Variants in RNMT observed in about 807,000 individuals in gnomAD.
RNMT encodes the protein RNA guanine-7 methyltransferase.
RNMT carries 27 observed loss-of-function variants against 56.0 expected under a neutral mutation model. The observed-to-expected ratio is 0.48, with a 90% CI of 0.36 to 0.67. RNMT has a LOEUF of 0.67. Among genes scored for constraint, RNMT ranks in the 30% least tolerant of loss-of-function variants. The pLI, the probability that RNMT is intolerant of heterozygous loss-of-function variation, is 0.00. For synonymous variants in RNMT, 184 were observed against 176.2 expected (o/e 1.04, Z -0.35); for missense variants, 519 against 552.1 (o/e 0.94, Z 0.60).
intron 3 of RNMT, among the ~76,000 whole-genome samples, chr18:13,734,231 C>A (rs543969738): frequency 1.3e-5 from 2 of 152,204 alleles, no homozygotes; most frequent in Non-Finnish European, 2.9e-5. Context: ...TTATAAATTA[C>A]CCAGTCTCCG....
Position 13,760,858 on chromosome 18 carries a change from C to A in RNMT, c.*879C>A. On this transcript the variant is annotated 3_prime_UTR_variant, in exon 12 of 12. Transcript: ENST00000383314. ...GTACCCACTTCAGAAATAAGCAATA[C>A]TTGTTCCTCTGTTACAACCTCAGCA... The A allele has an allele frequency of 1.0e-6, 1 of 985,398 alleles. No homozygotes were observed. Among genetic ancestry groups the A allele is most frequent in the Non-Finnish European group, 1.2e-6 (1 of 829,890 alleles). The allele number at this position is 985,398 out of a possible 1,614,324, so 61.0% of individuals were successfully genotyped here.
In RNMT at chr18:13,763,339, T is replaced by G. The variant is rs1455837449; in HGVS notation, c.*3360T>G. On this transcript the variant is annotated 3_prime_UTR_variant, in exon 12 of 12. Coordinates refer to ENST00000383314, the MANE Select transcript of RNMT (RefSeq NM_003799.3). The stretch of plus-strand genomic sequence containing the variant: ...GGCACTGTCAGTTCTTCCCTCCCTC[T>G]CGTGCTGCTCAGTTTGTCCTCTGCT... 25 of 341,068 alleles carry G rather than the reference T, an allele frequency of 7.3e-5. No homozygotes were observed. Among genetic ancestry groups the G allele is most frequent in the Non-Finnish European group, 1.4e-4 (24 of 170,132 alleles). 21.1% of individuals were successfully genotyped at this position (341,068 alleles called of 1,614,324 possible).
rs1177542379 is a variant in RNMT at position 13,760,574 on chromosome 18, CTGGTTAGA to C, written c.*596_*603del. The C allele has an allele frequency of 1.0e-6, 1 of 985,522 alleles. No homozygotes were observed. The highest frequency in any genetic ancestry group is 1.7e-5 in the African/African-American group (1 of 57,212). The allele number at this position is 985,522 out of a possible 1,614,324, so 61.0% of individuals were successfully genotyped here. On this transcript the variant is annotated 3_prime_UTR_variant, in exon 12 of 12. Transcript: ENST00000383314. ...TCATTAACATGCTGCAATTCAGGAG[CTGGTTAGA>C]ACATTTTAAGTGGCAGCATAGAATT... is the stretch of plus-strand genomic sequence containing the variant.
rs1276307138 is a variant in RNMT at position 13,752,310 on chromosome 18, T to C, written c.1258-16T>C. On this transcript the variant is annotated splice_polypyrimidine_tract_variant and intron_variant, in intron 9 of 11. Transcript: ENST00000383314. ...ATTTCCGTTATTGTAACTAGGACTT[T>C]CATTTCTTTCCCCAGCCATATCCTG... is the stretch of plus-strand genomic sequence containing the variant. 3.8e-5 allele frequency: 59 copies of C among 1,536,606 alleles called. No homozygotes were observed. Among genetic ancestry groups the C allele is most frequent in the Non-Finnish European group, 5.3e-5 (59 of 1,111,756 alleles).
chr18:13,758,176 GC>G (rs1307975544), intron 11 of RNMT, among the ~76,000 whole-genome samples: 1 of 152,126 alleles, frequency 6.6e-6, no homozygotes, highest in Non-Finnish European at 1.5e-5. Context: ...ATTCTTAAGG[GC>G]CTCGGGATTT....
intron 9 of RNMT, among the ~76,000 whole-genome samples, chr18:13,748,321 T>A (rs182417063): frequency 6.6e-6 from 1 of 152,324 alleles, no homozygotes; most frequent in Non-Finnish European, 1.5e-5. Context: ...GCATGTAGTT[T>A]GAAAAATCCT....
rs2044627531 is a variant in RNMT, at chr18:13,762,069, G to C, written c.*2090G>C. On this transcript the variant is annotated 3_prime_UTR_variant, in exon 12 of 12. Transcript: ENST00000383314. ...ACGGTAACTATTATGAGGGAGGCAT[G>C]GCTTTCCACCGTCGGGCCAGGAAGA... 1 of 1,535,946 alleles carries C rather than the reference G, an allele frequency of 6.5e-7. No homozygotes were observed. The highest frequency in any genetic ancestry group is 1.4e-5 in the African/African-American group (1 of 73,030).
chr18:13,738,570 T>C (rs1378539186), intron 5 of RNMT, among the ~76,000 whole-genome samples: 1 of 152,228 alleles, frequency 6.6e-6, no homozygotes, highest in Non-Finnish European at 1.5e-5. Context: ...TTATACCGTG[T>C]AACATTAAAA....
At chr18:13,728,636 C>T (rs1457243154) in intron 1 of RNMT, among the ~76,000 whole-genome samples, 1 of 151,990 alleles carries the variant, frequency 6.6e-6, no homozygotes, top group African/African-American at 2.4e-5. Flanking sequence ...GTGACGGCCT[C>T]AGCATCCATT....
chr18:13,760,062 CTG>C lies in RNMT; in HGVS notation c.*85_*86del, dbSNP rs2044600966. The C allele has an allele frequency of 7.8e-6, 12 of 1,543,810 alleles. No individual in the cohort carries two copies. In the South Asian group the frequency reaches 1.1e-4, roughly 15 times the overall value. ...TCATCTCGATATATTTGATATTTCTCTGTCTGTTGATTTTAATTCTAAATGTG... is the reference window on the plus strand; with the variant it reads ...TCATCTCGATATATTTGATATTTCTCTCTGTTGATTTTAATTCTAAATGTG... On this transcript the variant is annotated 3_prime_UTR_variant, in exon 12 of 12. Transcript: ENST00000383314.
intron 9 of RNMT, among the ~76,000 whole-genome samples, chr18:13,748,258 C>T (rs1372680245): frequency 6.6e-6 from 1 of 152,174 alleles, no homozygotes; most frequent in Non-Finnish European, 1.5e-5. Flanking sequence ...CCCAGTACTG[C>T]ACTTGGGGAT....
rs1290026481 is a variant in RNMT at position 13,746,350 on chromosome 18, A to C, written c.1257+13A>C. On this transcript the variant is annotated intron_variant, in intron 9 of 11. Transcript: ENST00000383314. ...GCAGGCCTTGGAGGTGAGTATTTAG[A>C]AAAGATGTACAAATTTCAGTCATGG... The C allele has an allele frequency of 7.2e-7, 1 of 1,384,866 alleles. No homozygotes were observed. Among genetic ancestry groups the C allele is most frequent in the South Asian group, 1.2e-5 (1 of 82,816 alleles). 85.8% of individuals were successfully genotyped at this position (1,384,866 alleles called of 1,614,324 possible).
At chr18:13,727,840 C>G (rs955669649) in intron 1 of RNMT, among the ~76,000 whole-genome samples, 1 of 152,198 alleles carries the variant, frequency 6.6e-6, no homozygotes, top group African/African-American at 2.4e-5. Flanking sequence ...TGAGTAACAA[C>G]ATGATATTGT....
chr18:13,760,260 TAATATGACTTGATAAAGC>T lies in RNMT; in HGVS notation c.*284_*301del. The T allele has an allele frequency of 8.9e-7, 1 of 1,126,318 alleles. No homozygotes were observed. The highest frequency in any genetic ancestry group is 3.9e-4 in the Middle Eastern group (1 of 2,576). 69.8% of individuals were successfully genotyped at this position (1,126,318 alleles called of 1,614,324 possible). On this transcript the variant is annotated 3_prime_UTR_variant, in exon 12 of 12. Transcript: ENST00000383314. ...TCTATGATCTTAGCTCATAAAAATATAATATGACTTGATAAAGCAACTAAACTCTTTCCACAGTGTTCA... is the reference window on the plus strand; with the variant it reads ...TCTATGATCTTAGCTCATAAAAATATAACTAAACTCTTTCCACAGTGTTCA...
intron 3 of RNMT, among the ~76,000 whole-genome samples, chr18:13,734,188 G>C (rs1027217150): frequency 1.3e-5 from 2 of 152,150 alleles, no homozygotes; most frequent in African/African-American, 4.8e-5. Flanking sequence ...CCCCCGCCAC[G>C]AGGAACTGTG....
At chr18:13,740,146 A>G in intron 5 of RNMT, 21 bp from the exon 6 acceptor site, 1 of 1,409,322 alleles carries the variant, frequency 7.1e-7, no homozygotes, top group Non-Finnish European at 1.0e-6. Flanking sequence ...GATACTTACT[A>G]ATACCCTTCC....
intron 11 of RNMT, 53 bp downstream of exon 11, chr18:13,754,200 A>T: frequency 8.0e-7 from 1 of 1,250,824 alleles, no homozygotes; most frequent in South Asian, 1.3e-5. Flanking sequence ...TCCTGTTTCA[A>T]AGTGATCATT....
chr18:13,740,247 A>C lies in RNMT; in HGVS notation c.760A>C (p.Ser254Arg), dbSNP rs1335085496. The stretch of plus-strand genomic sequence containing the variant: ...TCGTCGTGATAGTGAATATATTTTC[A>C]GTGCAGAATTTATAACTGCTGACAG... ...KNRRDSEYIF[S>R]AEFITADSSK... is the part of the protein sequence containing the mutation. The change falls in exon 6 of 12, where the codon AGT (serine) becomes CGT (arginine). Residue 254 changes from serine to arginine, a missense_variant. Coordinates refer to ENST00000383314, the MANE Select transcript of RNMT (RefSeq NM_003799.3). The C allele has an allele frequency of 6.2e-7, 1 of 1,604,694 alleles. No homozygotes were observed. Among genetic ancestry groups the C allele is most frequent in the East Asian group, 2.2e-5 (1 of 44,832 alleles).
At chr18:13,736,320 A>G (rs929713224) in intron 4 of RNMT, among the ~76,000 whole-genome samples, 8 of 152,182 alleles carry the variant, frequency 5.3e-5, no homozygotes, top group African/African-American at 1.9e-4. Flanking sequence ...ATCAAGTTTT[A>G]GAACTGTTGA....
Sources: allele counts gnomAD v4.1 joint callset (sites outside exome capture counted in the v4.1 genomes callset), GRCh38; gene constraint gnomAD v4.1.1; transcripts MANE v1.5; gene names NCBI Gene and HGNC (gene_info 2026-07-23, HGNC 2026-07-21).